The following XYLT1 variants were observed in gnomAD, a reference collection of about 807,000 sequenced individuals.
XYLT1 encodes the protein xylosyltransferase 1.
A neutral mutation model predicts 91.3 loss-of-function variants in XYLT1; 36 were observed. The ratio of observed to expected loss-of-function variants is 0.39; its 90% CI spans 0.30 to 0.52. XYLT1 has a LOEUF of 0.52. Ranked by LOEUF, XYLT1 falls within the 20% of genes least tolerant of loss-of-function variation. The pLI, the probability that XYLT1 is intolerant of heterozygous loss-of-function variation, is 0.68. For synonymous variants in XYLT1, 588 were observed against 532.0 expected (o/e 1.11, Z -1.45); for missense variants, 1,242 against 1,284.5 (o/e 0.97, Z 0.51).
chr16:17,362,803 T>C (rs2035401848), intron 1 of XYLT1, among the ~76,000 whole-genome samples: 1 of 152,228 alleles, frequency 6.6e-6, no homozygotes, highest in African/African-American at 2.4e-5. Context: ...TGTTCTTTGG[T>C]GTTAGGCAAT....
chr16:17,363,927 C>A (rs1422486325), intron 1 of XYLT1, among the ~76,000 whole-genome samples: 2 of 152,190 alleles, frequency 1.3e-5, no homozygotes, highest in African/African-American at 4.8e-5. Flanking sequence ...GATCTGCCTG[C>A]CTCACCCTCC....
intron 1 of XYLT1, among the ~76,000 whole-genome samples, chr16:17,363,004 G>T (rs1194257406): frequency 6.6e-6 from 1 of 152,166 alleles, no homozygotes; most frequent in Admixed American, 6.5e-5. Flanking sequence ...ATTAAGGCCA[G>T]AACTGGGAAT....
chr16:17,233,056 C>T (rs2033192736), intron 3 of XYLT1, among the ~76,000 whole-genome samples: 1 of 152,106 alleles, frequency 6.6e-6, no homozygotes, highest in Admixed American at 6.5e-5. Flanking sequence ...ACCTTCCCTT[C>T]ACCTGCCACA....
At chr16:17,343,593 C>T (rs7206877) in intron 2 of XYLT1, among the ~76,000 whole-genome samples, 21,259 of 152,206 alleles carry the variant, frequency 0.14, 2,091 homozygotes, top group African/African-American at 0.27. Context: ...ACCTCAGCCT[C>T]CCGAGTAGCT....
chr16:17,153,740 C>T (rs1054957677), intron 6 of XYLT1, among the ~76,000 whole-genome samples: 3 of 152,154 alleles, frequency 2.0e-5, no homozygotes, highest in Non-Finnish European at 4.4e-5. Context: ...ATAAAGGACC[C>T]AAAAGAATCC....
At chr16:17,169,594 G>A (rs752429942) in intron 5 of XYLT1, among the ~76,000 whole-genome samples, 22 of 149,512 alleles carry the variant, frequency 1.5e-4, no homozygotes, top group Non-Finnish European at 3.0e-4. Context: ...AGCACCCAGG[G>A]GCCACGCAGG....
chr16:17,405,405 G>A (rs1320682250), intron 1 of XYLT1, among the ~76,000 whole-genome samples: 1 of 152,174 alleles, frequency 6.6e-6, no homozygotes, highest in Non-Finnish European at 1.5e-5. Context: ...GCCAAGCCAC[G>A]AGGCCGGAGC....
At chr16:17,441,040 A>C (rs1366826926) in intron 1 of XYLT1, among the ~76,000 whole-genome samples, 2 of 152,030 alleles carry the variant, frequency 1.3e-5, no homozygotes, top group Non-Finnish European at 1.5e-5. Context: ...ACAATAAAAC[A>C]AACAAATGTT....
intron 1 of XYLT1, among the ~76,000 whole-genome samples, chr16:17,358,604 A>T (rs906405831): frequency 6.6e-6 from 1 of 152,134 alleles, no homozygotes; most frequent in African/African-American, 2.4e-5. Flanking sequence ...AAAGAGGCTC[A>T]AGTTTTTATG....
At chr16:17,260,074 A>G (rs1202462705) in intron 2 of XYLT1, among the ~76,000 whole-genome samples, 1 of 151,710 alleles carries the variant, frequency 6.6e-6, no homozygotes, top group African/African-American at 2.4e-5. Context: ...CCCTTGTAGA[A>G]TAAACTTTAC....
chr16:17,149,391 A>T (rs115275749), intron 6 of XYLT1, among the ~76,000 whole-genome samples: 3,519 of 152,324 alleles, frequency 0.023, 134 homozygotes, highest in African/African-American at 0.079. Context: ...AATTAAAAAA[A>T]AAACAACCTG....
At chr16:17,457,729 T>C (rs902152260) in intron 1 of XYLT1, among the ~76,000 whole-genome samples, 2 of 152,200 alleles carry the variant, frequency 1.3e-5, no homozygotes, top group Non-Finnish European at 2.9e-5. Flanking sequence ...GTGTCTTTCA[T>C]AACAGCTGCC....
chr16:17,430,112 T>C (rs1048211095), intron 1 of XYLT1, among the ~76,000 whole-genome samples: 3 of 151,924 alleles, frequency 2.0e-5, no homozygotes, highest in Non-Finnish European at 4.4e-5. Context: ...AATTTTTGTA[T>C]TTTTAGTAGA....
chr16:17,273,994 C>G lies in XYLT1; in HGVS notation c.403-14496G>C, dbSNP rs1667863507. On this transcript the variant is annotated intron_variant, in intron 2 of 11. Coordinates refer to ENST00000261381, the MANE Select transcript of XYLT1 (RefSeq NM_022166.4). ...TAGCATGATCTCGGCTCACTGCAAC[C>G]TCTGCCTCCCGGGTTCAAGTGATTC... Among the ~76,000 whole-genome samples, 2 of 151,826 alleles carry G rather than the reference C, an allele frequency of 1.3e-5. 1 individual carries two copies. The highest frequency in any genetic ancestry group is 4.2e-4 in the South Asian group (2 of 4,798).
intron 9 of XYLT1, among the ~76,000 whole-genome samples, chr16:17,132,354 C>T (rs2030515977): frequency 6.6e-6 from 1 of 151,648 alleles, no homozygotes; most frequent in Non-Finnish European, 1.5e-5. Flanking sequence ...GGAGGTGGTC[C>T]TTGGATGGCT....
rs779270888 is a variant in XYLT1 at position 17,108,756 on chromosome 16, G to A, written c.2819C>T (p.Ser940Phe). The A allele has an allele frequency of 6.2e-7, 1 of 1,607,192 alleles. No individual in the cohort carries two copies. The highest frequency in any genetic ancestry group is 8.5e-7 in the Non-Finnish European group (1 of 1,178,968). ...CTCCGACTTGGGGTCAGGGCTGAAGGAGCTCCAGGCCGTCTGGCTGCAGGT... is the reference window on the plus strand; with the variant it reads ...CTCCGACTTGGGGTCAGGGCTGAAGAAGCTCCAGGCCGTCTGGCTGCAGGT... ...MQTCSQTAWS[S>F]FSPDPKSELG... is the part of the protein sequence containing the mutation. Residue 940 changes from serine (S) to phenylalanine (F), a missense_variant, in exon 12 of 12, where the codon TCC (serine) becomes TTC (phenylalanine). Around this residue, in one of 3 missense-constraint regions of XYLT1, gnomAD observed 511 missense variants for 497.0 expected, o/e 1.03. Coordinates refer to ENST00000261381, the MANE Select transcript of XYLT1 (RefSeq NM_022166.4).
At chr16:17,382,583 G>A (rs117599785) in intron 1 of XYLT1, among the ~76,000 whole-genome samples, 3 of 152,000 alleles carry the variant, frequency 2.0e-5, no homozygotes, top group East Asian at 4.0e-4. Context: ...CTCAGGACTC[G>A]GGGCAGGCCA....
At chr16:17,208,210 T>G (rs113168757) in intron 3 of XYLT1, among the ~76,000 whole-genome samples, 1 of 88,246 alleles carries the variant, frequency 1.1e-5, no homozygotes, top group South Asian at 6.2e-4. Context: ...GGTCTCAAAC[T>G]CCTGGGCTCA....
At chr16:17,375,713 C>G (rs548067469) in intron 1 of XYLT1, among the ~76,000 whole-genome samples, 1 of 152,236 alleles carries the variant, frequency 6.6e-6, no homozygotes, top group African/African-American at 2.4e-5. Flanking sequence ...CCTGGGCCCT[C>G]GTGCCCATCA....
Sources: allele counts gnomAD v4.1 joint callset (sites outside exome capture counted in the v4.1 genomes callset), GRCh38; gene constraint gnomAD v4.1.1; regional missense constraint gnomAD v4.1.1; transcripts MANE v1.5; gene names NCBI Gene and HGNC (gene_info 2026-07-23, HGNC 2026-07-21).